The following CCDC3 variants were observed in gnomAD, a reference collection of about 807,000 sequenced individuals.
The protein encoded by CCDC3 is coiled-coil domain containing 3.
CCDC3 carries 24 observed loss-of-function variants against 21.4 expected under a neutral mutation model. The observed-to-expected ratio is 1.12, with a 90% CI of 0.81 to 1.58. The LOEUF (loss-of-function observed/expected upper bound fraction) is 1.58, where lower values mean the gene tolerates loss of function less well. Among genes scored for constraint, CCDC3 ranks in the 40% most tolerant of loss-of-function variants. The pLI, the probability that CCDC3 is intolerant of heterozygous loss-of-function variation, is 0.00. For synonymous variants in CCDC3, 186 were observed against 166.0 expected (o/e 1.12, Z -0.93); for missense variants, 425 against 360.9 (o/e 1.18, Z -1.44).
At chr10:12,908,460 T>C (rs1024647544) in intron 2 of CCDC3, among the ~76,000 whole-genome samples, 19 of 152,148 alleles carry the variant, frequency 1.2e-4, no homozygotes, top group African/African-American at 2.4e-4. Context: ...CCAGGGAGTT[T>C]TGCAAACATT....
At chr10:13,092,999 G>A (rs185994187) in intron 3 of CCDC3, among the ~76,000 whole-genome samples, 159 of 149,360 alleles carry the variant, frequency 1.1e-3, no homozygotes, top group Admixed American at 2.3e-3. Context: ...TTGTGATCTA[G>A]TGGAAAGTCA....
At chr10:13,043,573 G>A (rs916163490) in intron 5 of CCDC3, among the ~76,000 whole-genome samples, 1 of 152,088 alleles carries the variant, frequency 6.6e-6, no homozygotes, top group African/African-American at 2.4e-5. Context: ...AGCCAGGGGG[G>A]ACAGAGTGAG....
intron 2 of CCDC3, among the ~76,000 whole-genome samples, chr10:12,983,998 T>C (rs917079994): frequency 6.6e-6 from 1 of 152,224 alleles, no homozygotes; most frequent in African/African-American, 2.4e-5. Context: ...GAGAATCACC[T>C]GACCCCGGGA....
intron 3 of CCDC3, among the ~76,000 whole-genome samples, chr10:13,089,305 T>C (rs1341454515): frequency 1.4e-5 from 2 of 143,734 alleles, no homozygotes; most frequent in Admixed American, 7.3e-5. Context: ...TAAGTGAACA[T>C]TTCTTTATGT....
At chr10:13,062,869 GA>G (rs1455412810) in intron 4 of CCDC3, among the ~76,000 whole-genome samples, 1 of 152,066 alleles carries the variant, frequency 6.6e-6, no homozygotes, top group African/African-American at 2.4e-5. Context: ...GCACTTGATG[GA>G]TCATCTGACA....
chr10:12,967,113 C>G (rs1835273326), intron 2 of CCDC3, among the ~76,000 whole-genome samples: 1 of 152,172 alleles, frequency 6.6e-6, no homozygotes, highest in Admixed American at 6.5e-5. Flanking sequence ...TCCACCTTCT[C>G]CCATAAATCA....
At chr10:12,946,775 C>T (rs2053753806) in intron 2 of CCDC3, among the ~76,000 whole-genome samples, 1 of 152,184 alleles carries the variant, frequency 6.6e-6, no homozygotes, top group Non-Finnish European at 1.5e-5. Flanking sequence ...TTCATTCTGT[C>T]TTCTGCCTTT....
At chr10:13,051,154 G>A (rs1836601956) in intron 4 of CCDC3, among the ~76,000 whole-genome samples, 3 of 152,050 alleles carry the variant, frequency 2.0e-5, no homozygotes, top group African/African-American at 7.3e-5. Context: ...TTCAGATTCT[G>A]CCCCCAAAGG....
chr10:13,026,129 C>T (rs1034806205), intron 5 of CCDC3, among the ~76,000 whole-genome samples: 3 of 151,748 alleles, frequency 2.0e-5, no homozygotes, highest in Admixed American at 2.0e-4. Flanking sequence ...TGCAGTGAGC[C>T]GAGATCACAC....
At chr10:12,945,919 G>C (rs914941696) in intron 2 of CCDC3, among the ~76,000 whole-genome samples, 1 of 152,168 alleles carries the variant, frequency 6.6e-6, no homozygotes, top group Non-Finnish European at 1.5e-5. Flanking sequence ...ATAACAAACA[G>C]GCAACTTGGT....
At chr10:12,958,229 C>T (rs1225976878) in intron 2 of CCDC3, among the ~76,000 whole-genome samples, 1 of 152,086 alleles carries the variant, frequency 6.6e-6, no homozygotes, top group Non-Finnish European at 1.5e-5. Context: ...CAAAAAAAAC[C>T]CAACAACCCA....
At chr10:13,043,854 T>C (rs930541071) in intron 5 of CCDC3, among the ~76,000 whole-genome samples, 2 of 152,202 alleles carry the variant, frequency 1.3e-5, no homozygotes, top group African/African-American at 4.8e-5. Flanking sequence ...TGATTTATTT[T>C]CCTTTGGATA....
chr10:13,034,293 G>A (rs919567657), intron 5 of CCDC3, among the ~76,000 whole-genome samples: 2 of 141,736 alleles, frequency 1.4e-5, no homozygotes, highest in African/African-American at 5.2e-5. Context: ...ATTGAACAAT[G>A]AGAACACTTG....
At chr10:13,032,561 G>A (rs530321391) in intron 5 of CCDC3, among the ~76,000 whole-genome samples, 1 of 152,302 alleles carries the variant, frequency 6.6e-6, no homozygotes, top group Non-Finnish European at 1.5e-5. Context: ...GTCCCTGCTT[G>A]CAGATGACAT....
In CCDC3 at chr10:12,920,186, G is replaced by A. The variant is rs138528677; in HGVS notation, c.550-21507C>T. 7.8e-3 allele frequency among the ~76,000 whole-genome samples: 1,181 copies of A among 152,224 alleles called. 9 individuals carry two copies. Among genetic ancestry groups the A allele is most frequent in the African/African-American group, 0.02 (841 of 41,538 alleles). Reference sequence around the variant, plus strand: ...AATCATGGTGGAAGGTGAAAGGCACGTCTTACATGGCGGCAGGCACGAGAG... The same window carrying A: ...AATCATGGTGGAAGGTGAAAGGCACATCTTACATGGCGGCAGGCACGAGAG... On this transcript the variant is annotated intron_variant, in intron 2 of 2. Coordinates refer to ENST00000378825, the MANE Select transcript of CCDC3 (RefSeq NM_031455.4).
intron 4 of CCDC3, chr10:13,058,574 G>A (rs1214046728): frequency 1.6e-5 from 11 of 683,494 alleles, no homozygotes; most frequent in South Asian, 6.3e-5. Flanking sequence ...ATCACCAAGC[G>A]TTTCTGGGCA....
chr10:13,082,305 C>G (rs1837051274), intron 3 of CCDC3, among the ~76,000 whole-genome samples: 2 of 152,254 alleles, frequency 1.3e-5, no homozygotes, highest in Non-Finnish European at 2.9e-5. Context: ...GGCGGCCCTT[C>G]CCTGTTTGAC....
rs564701338 is a variant in CCDC3 at position 13,013,357 on chromosome 10, T to C, written c.-1-14845A>G. ...AAAAGAAAGGGAGTGCTGAAAGAAC[T>C]GGGAAATATCTCACACAGACACACA... On this transcript the variant is annotated intron_variant, in intron 5 of 6. Transcript: ENST00000378839. Among the ~76,000 whole-genome samples the C allele has an allele frequency of 4.3e-4, 66 of 152,342 alleles. No homozygotes were observed. In the Middle Eastern group the frequency reaches 0.017, roughly 39 times the overall value.
chr10:13,052,938 T>TCACACACACACACA (rs56261341), intron 4 of CCDC3, among the ~76,000 whole-genome samples: 3 of 134,336 alleles, frequency 2.2e-5, no homozygotes, highest in Non-Finnish European at 4.7e-5. Context: ...TGAGACTCTG[T>TCACACACACACACA]CACACACACA....
Sources: gnomAD v4.1 joint callset for allele counts (sites outside exome capture counted in the v4.1 genomes callset) on GRCh38, gnomAD v4.1.1 for gene constraint, MANE v1.5 for transcripts, NCBI Gene and HGNC (gene_info 2026-07-23, HGNC 2026-07-21) for gene names.